RANBP2: variants seen among roughly 807,000 people sequenced by gnomAD.
RANBP2 encodes the protein E3 SUMO-protein ligase RanBP2.
A neutral mutation model predicts 303.6 loss-of-function variants in RANBP2; 57 were observed. The observed-to-expected ratio is 0.19, with a 90% CI of 0.15 to 0.23. RANBP2 has a LOEUF of 0.23. Ranked by LOEUF, RANBP2 falls within the 10% of genes least tolerant of loss-of-function variation. The probability of loss-of-function intolerance (pLI) is 1.00; values close to 1 mark genes in which losing one functional copy is unlikely to be tolerated. For missense variants in RANBP2, 3,138 were observed against 3,780.8 expected (o/e 0.83, Z 4.46); for synonymous variants, 1,167 against 1,301.5 (o/e 0.90, Z 2.23).
the RANBP2 span, among the ~76,000 whole-genome samples, chr2:108,828,002 C>T: frequency 6.6e-6 from 1 of 151,456 alleles, no homozygotes; most frequent in African/African-American, 2.4e-5. Context: ...AGAACGTGAC[C>T]ACAAAAACAG....
the RANBP2 span, among the ~76,000 whole-genome samples, chr2:108,802,987 GC>G: frequency 6.6e-6 from 1 of 152,138 alleles, no homozygotes; most frequent in African/African-American, 2.4e-5. Flanking sequence ...AGCCCACTTT[GC>G]TTTCAAAGCC....
chr2:109,645,833 C>T, the RANBP2 span, among the ~76,000 whole-genome samples: 2 of 152,090 alleles, frequency 1.3e-5, no homozygotes, highest in African/African-American at 4.8e-5. Flanking sequence ...CATGAGTGTT[C>T]ATTGTAATTA....
the RANBP2 span, among the ~76,000 whole-genome samples, chr2:108,845,398 T>A: frequency 1.3e-5 from 2 of 152,116 alleles, no homozygotes; most frequent in Non-Finnish European, 2.9e-5. Context: ...GGATCAATAC[T>A]GAGTTAGGAA....
At chr2:109,634,782 A>G in the RANBP2 span, among the ~76,000 whole-genome samples, 1 of 150,654 alleles carries the variant, frequency 6.6e-6, no homozygotes, top group Non-Finnish European at 1.5e-5. Flanking sequence ...AGATTAGCAT[A>G]AAGATTATAA....
the RANBP2 span, among the ~76,000 whole-genome samples, chr2:109,449,644 G>T: frequency 6.6e-6 from 1 of 152,186 alleles, no homozygotes; most frequent in African/African-American, 2.4e-5. Flanking sequence ...CAGAGAGGGA[G>T]CCAAACCACC....
the RANBP2 span, among the ~76,000 whole-genome samples, chr2:109,249,513 C>CTT: frequency 3.3e-3 from 143 of 43,636 alleles, 1 homozygote; most frequent in South Asian, 3.8e-3. Context: ...TTCTTTCATT[C>CTT]TTTCTTTTTC....
chr2:109,370,528 C>T, the RANBP2 span, among the ~76,000 whole-genome samples: 4 of 152,128 alleles, frequency 2.6e-5, no homozygotes, highest in South Asian at 2.1e-4. Context: ...CATGAGCCAC[C>T]GCGCCCGGCC....
At chr2:109,373,108 A>G in the RANBP2 span, among the ~76,000 whole-genome samples, 1 of 152,110 alleles carries the variant, frequency 6.6e-6, no homozygotes, top group African/African-American at 2.4e-5. Context: ...TCCCACAGCA[A>G]TGGCAGATAA....
the RANBP2 span, among the ~76,000 whole-genome samples, chr2:109,533,045 CAGACACAAAT>C: frequency 6.6e-6 from 1 of 151,938 alleles, no homozygotes; most frequent in African/African-American, 2.4e-5. Context: ...ACCACCCTCA[CAGACACAAAT>C]AGACACGTCA....
intron 4 of RANBP2, among the ~76,000 whole-genome samples, chr2:108,733,633 G>T (rs555297092): frequency 6.6e-6 from 1 of 152,280 alleles, no homozygotes; most frequent in Admixed American, 6.5e-5. Flanking sequence ...AGGTCTAATT[G>T]TGCAGATTTC....
At chr2:109,568,131 G>A in the RANBP2 span, among the ~76,000 whole-genome samples, 2 of 151,894 alleles carry the variant, frequency 1.3e-5, no homozygotes, top group Admixed American at 6.6e-5. Context: ...TGTTGATCTT[G>A]ATACATAAAG....
intron 6 of RANBP2, 113 bp downstream of exon 6, chr2:108,736,362 A>G (rs1355423782): frequency 1.9e-6 from 3 of 1,588,472 alleles, no homozygotes; most frequent in Non-Finnish European, 1.7e-6. Context: ...TGTACCTAGG[A>G]GTTATAGTTA....
At position 108,748,947 on chromosome 2, in the gene RANBP2, G is replaced by A. The variant is rs1423709577; in HGVS notation, c.1091G>A (p.Gly364Asp). The A allele has an allele frequency of 1.2e-6, 2 of 1,611,800 alleles. No homozygotes were observed. The highest frequency in any genetic ancestry group is 1.7e-6 in the Non-Finnish European group (2 of 1,179,860). Residue 364 changes from glycine to aspartate, a missense_variant, in exon 9 of 29, where the codon GGC becomes GAC. Around this residue, in one of 20 missense-constraint regions of RANBP2, gnomAD observed 95 missense variants for 86.4 expected, o/e 1.10. Coordinates refer to ENST00000283195, the MANE Select transcript of RANBP2 (RefSeq NM_006267.5). ...CACATGTTGCTAAACTTAAGTCGTG[G>A]CAAGCAAGATTTTTTAAAAGAGATT... is the stretch of plus-strand genomic sequence containing the variant. ...SGHMLLNLSR[G>D]KQDFLKEIVE...
chr2:108,850,495 A>G, the RANBP2 span, among the ~76,000 whole-genome samples: 1 of 152,112 alleles, frequency 6.6e-6, no homozygotes, highest in African/African-American at 2.4e-5. Context: ...CCTGTCGCCC[A>G]GGCTGGAGTG....
the RANBP2 span, among the ~76,000 whole-genome samples, chr2:108,848,828 A>G: frequency 6.6e-6 from 1 of 152,204 alleles, no homozygotes; most frequent in African/African-American, 2.4e-5. Flanking sequence ...AAATGAATCA[A>G]AATTGGCACT....
chr2:109,208,129 G>T, the RANBP2 span, among the ~76,000 whole-genome samples: 1 of 152,268 alleles, frequency 6.6e-6, no homozygotes, highest in Middle Eastern at 3.2e-3. Flanking sequence ...GCCCCCATGG[G>T]CTCAGAGTCT....
intron 9 of RANBP2, among the ~76,000 whole-genome samples, chr2:108,749,908 G>C (rs567405980): frequency 6.6e-6 from 1 of 152,236 alleles, no homozygotes; most frequent in South Asian, 2.1e-4. Flanking sequence ...CCAGCACTTT[G>C]GGAGGCCGAG....
the RANBP2 span, among the ~76,000 whole-genome samples, chr2:108,818,233 G>A: frequency 1.3e-5 from 2 of 152,242 alleles, no homozygotes; most frequent in South Asian, 2.1e-4. Context: ...CTGAACCTGG[G>A]GGGGTCGAGG....
At chr2:108,759,500 C>G (rs1443070382) in intron 18 of RANBP2, among the ~76,000 whole-genome samples, 3 of 150,876 alleles carry the variant, frequency 2.0e-5, no homozygotes, top group African/African-American at 7.3e-5. Flanking sequence ...CTTTTTTTTT[C>G]TCTTTTTAGC....
Sources: gnomAD v4.1 joint callset for allele counts (sites outside exome capture counted in the v4.1 genomes callset) on GRCh38, gnomAD v4.1.1 for gene constraint, gnomAD v4.1.1 regional missense constraint, MANE v1.5 for transcripts, NCBI Gene and HGNC (gene_info 2026-07-23, HGNC 2026-07-21) for gene names.